FAM149A: variants seen among roughly 807,000 people sequenced by gnomAD.
FAM149A encodes the protein family with sequence similarity 149 member A, also known as protein FAM149A.
FAM149A carries 71 observed loss-of-function variants against 78.2 expected under a neutral mutation model. That is an observed-to-expected ratio of 0.91 (90% CI 0.75 to 1.11). The LOEUF (loss-of-function observed/expected upper bound fraction) is 1.11, where lower values mean the gene tolerates loss of function less well. FAM149A is among the 50% of genes least tolerant of loss of function. The pLI is 0.00. For missense variants in FAM149A, 1,036 were observed against 971.0 expected (o/e 1.07, Z -0.89); for synonymous variants, 446 against 410.5 (o/e 1.09, Z -1.04).
In FAM149A at chr4:186,105,176, G is replaced by A; in HGVS notation, c.100G>A (p.Ala34Thr). Reference sequence around the variant, plus strand: ...CCCCTCCTCCAGACCCTCGGGAGGTGCTGCCGCTGCAGGGTCGGGGGGCTC... The same window carrying A: ...CCCCTCCTCCAGACCCTCGGGAGGTACTGCCGCTGCAGGGTCGGGGGGCTC... Residue 34 changes from alanine (A) to threonine (T), a missense_variant, in exon 1 of 14, where the codon GCT (alanine) becomes ACT (threonine). Ala to Thr is a moderately conservative substitution (Grantham distance 58, BLOSUM62 0). Transcript: ENST00000389354. The A allele has an allele frequency of 1.6e-6, 2 of 1,276,186 alleles. No homozygotes were observed. Among genetic ancestry groups the A allele is most frequent in the Non-Finnish European group, 2.0e-6 (2 of 983,200 alleles). 79.1% of individuals were successfully genotyped at this position (1,276,186 alleles called of 1,614,324 possible).
intron 1 of FAM149A, chr4:186,109,409 A>G (rs1466147403): frequency 4.5e-6 from 4 of 891,440 alleles, no homozygotes; most frequent in Non-Finnish European, 1.3e-6. Context: ...GGCTGGCAGT[A>G]AAGTGACTAG....
chr4:186,137,330 C>T lies in FAM149A; in HGVS notation c.567-11843C>T, dbSNP rs538083354. On this transcript the variant is annotated intron_variant, in intron 1 of 13. Coordinates refer to ENST00000389354, the MANE Select transcript of FAM149A (RefSeq NM_001367768.3). ...TGTTCATGTGGTGGTGTGAGGTTTA[C>T]GAGTAAGGTACATTGGTCTCTGGCT... Among the ~76,000 whole-genome samples the T allele has an allele frequency of 2.4e-4, 37 of 151,666 alleles. 1 individual carries two copies. In the South Asian group the frequency reaches 7.1e-3, roughly 29 times the overall value.
At chr4:186,110,614 A>G (rs1227569071) in intron 1 of FAM149A, among the ~76,000 whole-genome samples, 1 of 125,184 alleles carries the variant, frequency 8.0e-6, no homozygotes, top group Non-Finnish European at 1.6e-5. Context: ...CTCATTGTTC[A>G]ATTCCCACCT....
chr4:186,132,348 GC>G, intron 1 of FAM149A: 1 of 478,232 alleles, frequency 2.1e-6, no homozygotes, highest in Non-Finnish European at 2.7e-6. Context: ...TAAACAGTGG[GC>G]CATGGGAGCC....
chr4:186,113,291 TTTA>T (rs1297714533), intron 1 of FAM149A, among the ~76,000 whole-genome samples: 1 of 125,174 alleles, frequency 8.0e-6, no homozygotes, highest in Non-Finnish European at 1.7e-5. Context: ...TCTCTCTTTT[TTTA>T]TTAGTCTTGC....
rs371413725 is a variant in FAM149A at position 186,172,010 on chromosome 4, G to A, written c.*23G>A. 331 of 1,607,926 alleles carry A rather than the reference G, an allele frequency of 2.1e-4. 1 individual carries two copies. The African/African-American group carries it at 3.8e-3, about 19-fold the overall frequency. On this transcript the variant is annotated 3_prime_UTR_variant, in exon 14 of 14. Coordinates refer to ENST00000389354, the MANE Select transcript of FAM149A (RefSeq NM_001367768.3). Reference sequence around the variant, plus strand: ...TGAAACCACCTCACCAGAACCATTGGAGCACCTGTGGCCTCGGCACACTGC... The same window carrying A: ...TGAAACCACCTCACCAGAACCATTGAAGCACCTGTGGCCTCGGCACACTGC...
intron 13 of FAM149A, chr4:186,169,612 A>AT: frequency 1.0e-6 from 1 of 985,392 alleles, no homozygotes; most frequent in African/African-American, 1.7e-5. Context: ...CCACGATCTA[A>AT]TAGGACATTC....
chr4:186,117,459 G>A, intron 1 of FAM149A: 4 of 985,400 alleles, frequency 4.1e-6, no homozygotes, highest in Non-Finnish European at 4.8e-6. Flanking sequence ...AGAGAGAAGA[G>A]GAGGCGCGGA....
chr4:186,157,508 G>C, intron 7 of FAM149A, 57 bp from the exon 8 acceptor site: 1 of 1,538,292 alleles, frequency 6.5e-7, no homozygotes, highest in Non-Finnish European at 9.0e-7. Flanking sequence ...TGAATTTTAA[G>C]TATTTGTATT....
At chr4:186,137,593 T>C (rs542277716) in intron 1 of FAM149A, among the ~76,000 whole-genome samples, 2 of 152,210 alleles carry the variant, frequency 1.3e-5, no homozygotes, top group East Asian at 1.9e-4. Context: ...GCAAGGATTT[T>C]TTTTTTTATA....
chr4:186,145,154 T>C, intron 1 of FAM149A: 1 of 985,366 alleles, frequency 1.0e-6, no homozygotes, highest in Non-Finnish European at 1.2e-6. Context: ...CTGGCCGCTC[T>C]GCAGGCGATG....
chr4:186,170,984 A>G (rs1735476898), intron 13 of FAM149A: 1 of 152,346 alleles, frequency 6.6e-6, no homozygotes, highest in Non-Finnish European at 1.5e-5. Flanking sequence ...GGATCCTCAT[A>G]AAGGAATTTC....
chr4:186,130,312 T>TAC (rs2099320241), intron 1 of FAM149A, among the ~76,000 whole-genome samples: 1 of 131,512 alleles, frequency 7.6e-6, no homozygotes, highest in Non-Finnish European at 1.6e-5. Context: ...TATATATATA[T>TAC]ATAATCTATA....
At chr4:186,108,127 C>A (rs1257263782) in intron 1 of FAM149A, among the ~76,000 whole-genome samples, 1 of 152,104 alleles carries the variant, frequency 6.6e-6, no homozygotes, top group African/African-American at 2.4e-5. Flanking sequence ...TGTCACTTGG[C>A]AGATAGCTGC....
Position 186,130,304 on chromosome 4 carries a change from T to C in FAM149A, c.567-18869T>C, listed in dbSNP as rs1462783162. The C allele has an allele frequency of 1.7e-4, 21 of 126,526 alleles. No homozygotes were observed. The Admixed American group carries it at 1.7e-3, about 10-fold the overall frequency. The allele number at this position is 126,526 out of a possible 1,614,324, so 7.8% of individuals were successfully genotyped here. On this transcript the variant is annotated intron_variant, in intron 1 of 13. Coordinates refer to ENST00000389354, the MANE Select transcript of FAM149A (RefSeq NM_001367768.3). ...CTCTCTCTCTCTCTCTATATATATA[T>C]ATATATATATAATCTATATCGACAG...
intron 1 of FAM149A, among the ~76,000 whole-genome samples, chr4:186,136,323 CAAATGTGTA>C (rs1175191162): frequency 1.3e-5 from 2 of 151,980 alleles, no homozygotes; most frequent in Non-Finnish European, 2.9e-5. Flanking sequence ...GTATAGTAAA[CAAATGTGTA>C]AAAGTAAAAA....
At chr4:186,143,443 C>G (rs1359335707) in intron 1 of FAM149A, among the ~76,000 whole-genome samples, 1 of 151,930 alleles carries the variant, frequency 6.6e-6, no homozygotes, top group African/African-American at 2.4e-5. Context: ...ATACATGTAT[C>G]AGGATTTAAA....
In FAM149A at chr4:186,137,464, C is replaced by G. The variant is rs73873730; in HGVS notation, c.567-11709C>G. ...CACTTTCTGTCGGCTGTGCGTACCA[C>G]CTACTGTTCACTGAAATGCTGACTT... is the stretch of plus-strand genomic sequence containing the variant. On this transcript the variant is annotated intron_variant, in intron 1 of 13. Transcript: ENST00000389354. 6.3e-3 allele frequency among the ~76,000 whole-genome samples: 958 copies of G among 152,118 alleles called. 9 individuals carry two copies. Among genetic ancestry groups the G allele is most frequent in the African/African-American group, 0.022 (919 of 41,494 alleles).
intron 1 of FAM149A, chr4:186,109,456 C>T: frequency 1.0e-6 from 1 of 983,816 alleles, no homozygotes; most frequent in Non-Finnish European, 1.2e-6. Flanking sequence ...CTGAGGCAGC[C>T]TCCAGTGTGA....
Sources: gnomAD v4.1 joint callset for allele counts (sites outside exome capture counted in the v4.1 genomes callset) on GRCh38, gnomAD v4.1.1 for gene constraint, MANE v1.5 for transcripts, NCBI Gene and HGNC (gene_info 2026-07-23, HGNC 2026-07-21) for gene names.